ASIC2: variants seen among roughly 807,000 people sequenced by gnomAD.
The protein encoded by ASIC2 is acid sensing ion channel subunit 2.
Under a neutral mutation model 57.3 loss-of-function variants are expected in ASIC2, and 25 were observed. The observed-to-expected ratio is 0.44, with a 90% CI of 0.32 to 0.61. The LOEUF (loss-of-function observed/expected upper bound fraction) is 0.61, where lower values mean the gene tolerates loss of function less well. ASIC2 is among the 20% of genes least tolerant of loss of function. The pLI, the probability that ASIC2 is intolerant of heterozygous loss-of-function variation, is 0.06. For synonymous variants in ASIC2, 319 were observed against 307.5 expected (o/e 1.04, Z -0.39); for missense variants, 641 against 738.1 (o/e 0.87, Z 1.52).
intron 1 of ASIC2, among the ~76,000 whole-genome samples, chr17:33,552,263 C>T (rs563790086): frequency 3.3e-5 from 5 of 152,284 alleles, no homozygotes; most frequent in African/African-American, 9.6e-5. Flanking sequence ...TACAGAGCGT[C>T]AGGAAGATTT....
chr17:33,957,394 G>A (rs183696180), intron 1 of ASIC2, among the ~76,000 whole-genome samples: 83 of 152,280 alleles, frequency 5.5e-4, no homozygotes, highest in African/African-American at 1.9e-3. Context: ...TTCTCACACT[G>A]TTATAAGGAC....
chr17:33,377,068 G>A (rs1441182557), intron 1 of ASIC2, among the ~76,000 whole-genome samples: 1 of 151,988 alleles, frequency 6.6e-6, no homozygotes, highest in Non-Finnish European at 1.5e-5. Flanking sequence ...GGGGGGGAGC[G>A]GAGATGGAGT....
chr17:33,168,130 C>A (rs1905373468), intron 1 of ASIC2, among the ~76,000 whole-genome samples: 1 of 152,350 alleles, frequency 6.6e-6, no homozygotes, highest in South Asian at 2.1e-4. Flanking sequence ...CTGCCCTTCA[C>A]CATGGGCACC....
intron 1 of ASIC2, among the ~76,000 whole-genome samples, chr17:33,673,771 A>C (rs1907716616): frequency 6.6e-6 from 1 of 152,316 alleles, no homozygotes; most frequent in South Asian, 2.1e-4. Flanking sequence ...TATCCAAAGA[A>C]GTGGCTCCCT....
intron 1 of ASIC2, among the ~76,000 whole-genome samples, chr17:33,739,710 T>C (rs1427914725): frequency 6.6e-6 from 1 of 150,574 alleles, no homozygotes; most frequent in Non-Finnish European, 1.5e-5. Context: ...AACCCCAGGC[T>C]AGGAGAGGGG....
intron 1 of ASIC2, among the ~76,000 whole-genome samples, chr17:33,880,107 T>A (rs1429639896): frequency 6.6e-6 from 1 of 152,060 alleles, no homozygotes; most frequent in Non-Finnish European, 1.5e-5. Context: ...TTTAAAGCAG[T>A]GTGTAGAGGG....
At chr17:33,422,999 C>T (rs988982046) in intron 1 of ASIC2, among the ~76,000 whole-genome samples, 6 of 152,150 alleles carry the variant, frequency 3.9e-5, no homozygotes, top group Non-Finnish European at 5.9e-5. Flanking sequence ...GGCCACCAAG[C>T]ATCAGCCTGC....
intron 1 of ASIC2, among the ~76,000 whole-genome samples, chr17:33,955,711 A>G (rs1006335361): frequency 1.2e-4 from 19 of 152,160 alleles, no homozygotes; most frequent in Non-Finnish European, 2.8e-4. Context: ...CTAGCCAATC[A>G]GCATCTCCCT....
intron 1 of ASIC2, among the ~76,000 whole-genome samples, chr17:33,634,115 TTTAGAGCTAAGCC>T (rs1429243691): frequency 2.0e-5 from 3 of 150,000 alleles, no homozygotes; most frequent in Non-Finnish European, 4.5e-5. Context: ...TCACGTGGAT[TTTAGAGCTAAGCC>T]TACTTCTGGA....
intron 1 of ASIC2, among the ~76,000 whole-genome samples, chr17:33,258,694 G>C (rs954767557): frequency 6.6e-6 from 1 of 152,228 alleles, no homozygotes; most frequent in Non-Finnish European, 1.5e-5. Context: ...GTGGGTCAGG[G>C]AGGAAGCCAG....
Position 33,832,590 on chromosome 17 carries a change from C to T in ASIC2, c.555+323388G>A, listed in dbSNP as rs1913149409. On this transcript the variant is annotated intron_variant, in intron 1 of 9. Transcript: ENST00000359872. ...ACCCAGCCCTGGAATCTGAAGCCAACCAGTAGACTGCTGCAAAGCTCCAAA... is the reference window on the plus strand; with the variant it reads ...ACCCAGCCCTGGAATCTGAAGCCAATCAGTAGACTGCTGCAAAGCTCCAAA... Among the ~76,000 whole-genome samples, 4 of 152,310 alleles carry T rather than the reference C, an allele frequency of 2.6e-5. No individual in the cohort carries two copies. The South Asian group carries it at 6.2e-4, about 24-fold the overall frequency.
intron 1 of ASIC2, among the ~76,000 whole-genome samples, chr17:33,519,454 C>T (rs183414590): frequency 6.6e-6 from 1 of 152,290 alleles, no homozygotes; most frequent in African/African-American, 2.4e-5. Flanking sequence ...TATTTCTCTA[C>T]CTAGGCTTTG....
chr17:34,065,604 A>C (rs986666287), intron 1 of ASIC2, among the ~76,000 whole-genome samples: 27 of 152,174 alleles, frequency 1.8e-4, no homozygotes, highest in African/African-American at 5.6e-4. Flanking sequence ...AAAAGTAAAA[A>C]AGACCGCTGA....
intron 1 of ASIC2, among the ~76,000 whole-genome samples, chr17:33,884,412 T>C (rs1914776838): frequency 2.0e-5 from 3 of 152,300 alleles, no homozygotes; most frequent in East Asian, 1.9e-4. Flanking sequence ...TCCATAGTTA[T>C]CAGTTCCCTG....
At chr17:33,386,217 C>T (rs904772135) in intron 1 of ASIC2, among the ~76,000 whole-genome samples, 1 of 152,156 alleles carries the variant, frequency 6.6e-6, no homozygotes, top group Non-Finnish European at 1.5e-5. Context: ...AGGCTGATGA[C>T]AGAAACTTTT....
chr17:33,307,323 T>C (rs1272614409), intron 1 of ASIC2, among the ~76,000 whole-genome samples: 2 of 152,012 alleles, frequency 1.3e-5, no homozygotes, highest in East Asian at 3.9e-4. Context: ...CTTCGTCTTC[T>C]TTTGATGGAG....
chr17:33,157,108 G>T (rs987594259), intron 1 of ASIC2, among the ~76,000 whole-genome samples: 1 of 152,102 alleles, frequency 6.6e-6, no homozygotes, highest in East Asian at 1.9e-4. Context: ...GATGGCACGT[G>T]GTCAAGGCAA....
intron 7 of ASIC2, 104 bp from the exon 8 acceptor site, chr17:33,017,788 T>TGGAG: frequency 5.9e-6 from 6 of 1,010,674 alleles, no homozygotes; most frequent in Non-Finnish European, 8.9e-6. Flanking sequence ...GCCCCCTCCA[T>TGGAG]GGGGAGCCTG....
intron 1 of ASIC2, among the ~76,000 whole-genome samples, chr17:33,648,289 G>C (rs1412901507): frequency 6.6e-6 from 1 of 152,188 alleles, no homozygotes; most frequent in African/African-American, 2.4e-5. Flanking sequence ...GTCTCTCTGA[G>C]CAGAGGCAGC....
Sources: gnomAD v4.1 joint callset for allele counts (sites outside exome capture counted in the v4.1 genomes callset) on GRCh38, gnomAD v4.1.1 for gene constraint, MANE v1.5 for transcripts, NCBI Gene and HGNC (gene_info 2026-07-23, HGNC 2026-07-21) for gene names.